The following FILIP1L variants were observed in gnomAD, a reference collection of about 807,000 sequenced individuals.
FILIP1L encodes filamin A-interacting protein 1-like.
Under a neutral mutation model 96.6 loss-of-function variants are expected in FILIP1L, and 55 were observed. The ratio of observed to expected loss-of-function variants is 0.57; its 90% CI spans 0.46 to 0.71. The LOEUF is 0.71. FILIP1L is among the 30% of genes least tolerant of loss of function. The pLI is 0.00. For synonymous variants in FILIP1L, 467 were observed against 473.9 expected, an observed-to-expected ratio of 0.99 and a Z score of 0.19; for missense variants, 1,304 against 1,321.2, an observed-to-expected ratio of 0.99 and a Z score of 0.20.
intron 4 of FILIP1L, among the ~76,000 whole-genome samples, chr3:99,907,135 GCCCTTCAACTCAGATCT>G (rs1166506617): frequency 6.6e-6 from 1 of 152,160 alleles, no homozygotes; most frequent in Non-Finnish European, 1.5e-5. Context: ...ACTGGAAGCA[GCCCTTCAACTCAGATCT>G]TCAGCTTCTT....
intron 1 of FILIP1L, among the ~76,000 whole-genome samples, chr3:100,028,897 A>G (rs2064974220): frequency 6.6e-6 from 1 of 152,210 alleles, no homozygotes; most frequent in Non-Finnish European, 1.5e-5. Context: ...TGTGTAACAC[A>G]CACAAAGACA....
chr3:100,011,035 C>T (rs1710138707), intron 1 of FILIP1L, among the ~76,000 whole-genome samples: 1 of 151,890 alleles, frequency 6.6e-6, no homozygotes. Flanking sequence ...AGTACAAACC[C>T]AGGATTCTGT....
chr3:99,887,670 A>G (rs1411684818), intron 4 of FILIP1L, among the ~76,000 whole-genome samples: 2 of 152,220 alleles, frequency 1.3e-5, no homozygotes, highest in African/African-American at 2.4e-5. Flanking sequence ...AATTTCTTAT[A>G]TAAGTACAAT....
In FILIP1L at chr3:99,931,017, G is replaced by T. The variant is rs766701827; in HGVS notation, c.4C>A (p.Arg2Ser). ...CCCTCGGTATCACTGCCTCTGGAAC[G>T]CATTCTTTAAAGCCTGGAAGGAGGG... Reference protein sequence around the residue: MRSRGSDTEGSA... With the variant: MSSRGSDTEGSA... The change falls in exon 2 of 6, where the codon CGT becomes AGT. Residue 2 changes from arginine to serine, a missense_variant. Physicochemically the swap from Arg to Ser is moderately radical, Grantham distance 110. Transcript: ENST00000477258. 2.4e-5 allele frequency: 38 copies of T among 1,612,850 alleles called. No homozygotes were observed. The highest frequency in any genetic ancestry group is 3.1e-5 in the Non-Finnish European group (36 of 1,179,570).
intron 4 of FILIP1L, among the ~76,000 whole-genome samples, chr3:99,854,497 A>T (rs1943857686): frequency 6.6e-6 from 1 of 152,074 alleles, no homozygotes; most frequent in Admixed American, 6.5e-5. Context: ...TTTTTCCATT[A>T]ATAGTTCCAG....
intron 1 of FILIP1L, among the ~76,000 whole-genome samples, chr3:100,056,906 A>C (rs1575999777): frequency 6.6e-6 from 1 of 152,240 alleles, no homozygotes; most frequent in African/African-American, 2.4e-5. Flanking sequence ...CGGGAGGCTG[A>C]GGCAGGAGAA....
chr3:99,898,921 C>A (rs1427095564), intron 4 of FILIP1L, among the ~76,000 whole-genome samples: 1 of 152,002 alleles, frequency 6.6e-6, no homozygotes, highest in Admixed American at 6.6e-5. Flanking sequence ...AAGCTCTAAT[C>A]GAAGTTTAGC....
chr3:100,011,150 A>G (rs1412166613), intron 1 of FILIP1L, among the ~76,000 whole-genome samples: 1 of 152,052 alleles, frequency 6.6e-6, no homozygotes, highest in Admixed American at 6.6e-5. Flanking sequence ...ACAGCAAATT[A>G]CTTTTCCCTA....
chr3:99,888,432 T>G (rs947024020), intron 4 of FILIP1L, among the ~76,000 whole-genome samples: 1 of 152,122 alleles, frequency 6.6e-6, no homozygotes, highest in Non-Finnish European at 1.5e-5. Flanking sequence ...AATTATGATT[T>G]ACCAAAGGTT....
intron 1 of FILIP1L, among the ~76,000 whole-genome samples, chr3:99,991,890 A>T (rs1709525540): frequency 6.7e-6 from 1 of 148,950 alleles, no homozygotes; most frequent in Admixed American, 6.7e-5. Flanking sequence ...ATATGTATAT[A>T]TGTGTGTATA....
chr3:100,031,238 G>A (rs2065017013), intron 1 of FILIP1L, among the ~76,000 whole-genome samples: 1 of 152,112 alleles, frequency 6.6e-6, no homozygotes, highest in Non-Finnish European at 1.5e-5. Context: ...ATTCTCTAGT[G>A]GAAATCAGGA....
chr3:99,975,298 A>C (rs552856043), intron 1 of FILIP1L, among the ~76,000 whole-genome samples: 3 of 152,326 alleles, frequency 2.0e-5, no homozygotes, highest in South Asian at 2.1e-4. Context: ...AGTGCTGTGG[A>C]TATAGCAATG....
chr3:99,956,264 C>T (rs1708316500), intron 1 of FILIP1L, among the ~76,000 whole-genome samples: 1 of 152,162 alleles, frequency 6.6e-6, no homozygotes, highest in African/African-American at 2.4e-5. Flanking sequence ...TCCTCTGCCC[C>T]CAACACCTCT....
At chr3:99,876,208 T>G (rs894204891) in intron 4 of FILIP1L, 1 of 985,342 alleles carries the variant, frequency 1.0e-6, no homozygotes, top group Non-Finnish European at 1.2e-6. Flanking sequence ...CCTATGGGCG[T>G]TACGTCACTG....
chr3:99,900,563 C>T (rs983895721), intron 4 of FILIP1L, among the ~76,000 whole-genome samples: 1 of 152,140 alleles, frequency 6.6e-6, no homozygotes, highest in African/African-American at 2.4e-5. Context: ...TACCTTTAGC[C>T]CTATGTTATA....
At chr3:100,074,516 T>G (rs2065815130) in intron 1 of FILIP1L, among the ~76,000 whole-genome samples, 1 of 152,046 alleles carries the variant, frequency 6.6e-6, no homozygotes, top group East Asian at 1.9e-4. Flanking sequence ...TTTTGCAAAT[T>G]TATTCTATAG....
chr3:99,876,592 G>C (rs1705536859), intron 4 of FILIP1L, among the ~76,000 whole-genome samples: 1 of 152,188 alleles, frequency 6.6e-6, no homozygotes, highest in Non-Finnish European at 1.5e-5. Context: ...GTAGGCGGGA[G>C]AGGGAAAGGA....
In FILIP1L at chr3:99,850,224, G is replaced by C. The variant is rs1342172578; in HGVS notation, c.1452C>G (p.Phe484Leu). The C allele has an allele frequency of 8.7e-6, 14 of 1,613,462 alleles. No homozygotes were observed. Among genetic ancestry groups the C allele is most frequent in the Non-Finnish European group, 1.2e-5 (14 of 1,179,986 alleles). Residue 484 changes from phenylalanine (F) to leucine (L), a missense_variant, in exon 5 of 6, where the codon TTC becomes TTG. Phe to Leu is a conservative substitution (Grantham distance 22). Transcript: ENST00000477258. The stretch of plus-strand genomic sequence containing the variant: ...GTTTAGTTAAATCCTCTTTTAGAGT[G>C]AATTCTGTCTTTTCTAGCCGACTTT... The part of the protein sequence containing the change: ...AIESRLEKTE[F>L]TLKEDLTKLK...
Position 99,910,485 on chromosome 3 carries a change from CAT to C in FILIP1L, c.605+13743_605+13744del, listed in dbSNP as rs769377839. On this transcript the variant is annotated intron_variant, in intron 4 of 5. Coordinates refer to ENST00000477258, the MANE Select transcript of FILIP1L (RefSeq NM_001387850.1). The stretch of plus-strand genomic sequence containing the variant: ...TGAGAGCTTTTAAAGTAAACAAACA[CAT>C]GTCTTCACAGTTGTTAGGTGCTAGG... 1.3e-4 allele frequency among the ~76,000 whole-genome samples: 18 copies of C among 136,444 alleles called. 3 individuals carry two copies. The highest frequency in any genetic ancestry group is 8.6e-4 in the Admixed American group (11 of 12,816). 89.5% of individuals were successfully genotyped at this position (136,444 alleles called of 152,430 possible). A position where few individuals can be genotyped will look rare whatever the true frequency, so the allele number is the denominator to read the frequency against.
Sources: gnomAD v4.1 joint callset for allele counts (sites outside exome capture counted in the v4.1 genomes callset) on GRCh38, gnomAD v4.1.1 for gene constraint, MANE v1.5 for transcripts, NCBI Gene and HGNC (gene_info 2026-07-23, HGNC 2026-07-21) for gene names.